The following PRPF39 variants were observed in gnomAD, a reference collection of about 807,000 sequenced individuals.
PRPF39 encodes the protein pre-mRNA-processing factor 39.
A neutral mutation model predicts 82.1 loss-of-function variants in PRPF39; 27 were observed. The observed-to-expected ratio is 0.33, with a 90% confidence interval of 0.24 to 0.45. The LOEUF is 0.45. PRPF39 is among the 20% of genes least tolerant of loss of function. PRPF39 has a pLI of 1.00. For synonymous variants in PRPF39, 261 were observed against 256.4 expected, an observed-to-expected ratio of 1.02 and a Z score of -0.17; for missense variants, 581 against 796.9, an observed-to-expected ratio of 0.73 and a Z score of 3.26.
Position 45,096,179 on chromosome 14 carries a change from A to G in PRPF39, c.401A>G (p.Lys134Arg). 1 of 1,591,810 alleles carries G rather than the reference A, an allele frequency of 6.3e-7. No individual in the cohort carries two copies. Among genetic ancestry groups the G allele is most frequent in the Non-Finnish European group, 8.6e-7 (1 of 1,168,168 alleles). ...CCGTATTGCTATGGTTACTGGAAAA[A>G]GTATGCAGACCTTGAAAAGCGGCAC... ...HYPYCYGYWK[K>R]YADLEKRHDN... Residue 134 changes from lysine (K) to arginine (R), a missense_variant, in exon 3 of 14, where the codon AAG becomes AGG. Transcript: ENST00000355765.
intron 2 of PRPF39, 189 bp downstream of exon 2, chr14:45,095,752 G>A (rs902530658): frequency 1.2e-5 from 9 of 752,304 alleles, no homozygotes; most frequent in Non-Finnish European, 1.6e-5. Flanking sequence ...TAGAGAGTCA[G>A]TAGTGTCAAA....
At chr14:45,096,752 C>G (rs1352635548) in intron 3 of PRPF39, 135 bp from the exon 4 acceptor site, 1 of 1,535,872 alleles carries the variant, frequency 6.5e-7, no homozygotes, top group African/African-American at 1.4e-5. Context: ...CAACCTCCAC[C>G]CAAATGGTAA....
chr14:45,099,940 A>G (rs1485708045), intron 4 of PRPF39, among the ~76,000 whole-genome samples: 1 of 152,016 alleles, frequency 6.6e-6, no homozygotes, highest in Non-Finnish European at 1.5e-5. Flanking sequence ...GAGATATGTG[A>G]TCTCTGGATT....
rs1477553308 is a variant in PRPF39, at chr14:45,110,976, A to T, written c.1572+159A>T. The T allele has an allele frequency of 2.3e-5, 17 of 729,176 alleles. No individual in the cohort carries two copies. The highest frequency in any genetic ancestry group is 2.0e-4 in the South Asian group (9 of 44,466). The allele number at this position is 729,176 out of a possible 1,614,324, so 45.2% of individuals were successfully genotyped here. Reference sequence around the variant, plus strand: ...TCTAAACTGATGTTGCCATTTAAAAATTTTTTTCAAATTGTTTTGAATTAA... The same window carrying T: ...TCTAAACTGATGTTGCCATTTAAAATTTTTTTTCAAATTGTTTTGAATTAA... On this transcript the variant is annotated intron_variant, in intron 10 of 13. Coordinates refer to ENST00000355765, the MANE Select transcript of PRPF39 (RefSeq NM_017922.4). The surrounding 1 kb of genome is among the most constrained non-coding windows in gnomAD (Gnocchi z 4.0).
At chr14:45,088,588 A>G (rs1021388253) in intron 1 of PRPF39, among the ~76,000 whole-genome samples, 9 of 152,218 alleles carry the variant, frequency 5.9e-5, no homozygotes, top group African/African-American at 2.2e-4. Context: ...GTTTCTTACT[A>G]TTCATGTACA....
chr14:45,092,167 C>T (rs1884049820), intron 1 of PRPF39, among the ~76,000 whole-genome samples: 1 of 152,138 alleles, frequency 6.6e-6, no homozygotes, highest in South Asian at 2.1e-4. Context: ...GTTTTGTGGT[C>T]ACTTACATGA....
At chr14:45,103,424 G>C (rs367974750) in intron 5 of PRPF39, among the ~76,000 whole-genome samples, 1 of 151,756 alleles carries the variant, frequency 6.6e-6, no homozygotes, top group South Asian at 2.1e-4. Context: ...TTTATGAGTA[G>C]TATTGTATAA....
At chr14:45,094,043 A>T (rs1308039373) in intron 1 of PRPF39, among the ~76,000 whole-genome samples, 1 of 151,872 alleles carries the variant, frequency 6.6e-6, no homozygotes, top group Non-Finnish European at 1.5e-5. Flanking sequence ...TTTTATGTTT[A>T]TTGGTCATTT....
At chr14:45,109,499 TATG>T (rs144382218) in intron 7 of PRPF39, 114 bp from the exon 8 acceptor site, 56,764 of 844,890 alleles carry the variant, frequency 0.067, 2,567 homozygotes, top group African/African-American at 0.18. Flanking sequence ...AATTATGAAA[TATG>T]ATTAAAAATT....
intron 4 of PRPF39, 22 bp from the exon 5 acceptor site, chr14:45,102,507 T>G (rs952381749): frequency 4.5e-6 from 7 of 1,555,434 alleles, no homozygotes; most frequent in Admixed American, 4.2e-5. Context: ...AAAGATAACT[T>G]AAGAGTAATT....
At position 45,115,389 on chromosome 14, in the gene PRPF39, G is replaced by T. The variant is rs944966991; in HGVS notation, c.*476G>T. The stretch of plus-strand genomic sequence containing the variant: ...ACTTGTGAATTGTGATCTAACTGCA[G>T]AAAGGATACATTATTAAAATACTTT... On this transcript the variant is annotated 3_prime_UTR_variant, in exon 14 of 14. Coordinates refer to ENST00000355765, the MANE Select transcript of PRPF39 (RefSeq NM_017922.4). The T allele has an allele frequency of 6.6e-6, 1 of 151,540 alleles. No homozygotes were observed. The highest frequency in any genetic ancestry group is 2.4e-5 in the African/African-American group (1 of 40,996). 9.4% of individuals were successfully genotyped at this position (151,540 alleles called of 1,614,324 possible).
intron 1 of PRPF39, among the ~76,000 whole-genome samples, chr14:45,087,696 C>T (rs746140379): frequency 1.1e-4 from 17 of 151,660 alleles, no homozygotes; most frequent in Non-Finnish European, 2.4e-4. Flanking sequence ...ACCTCAGCCT[C>T]CTGAGAAGCT....
chr14:45,085,016 T>G (rs1327781202), intron 1 of PRPF39, among the ~76,000 whole-genome samples: 1 of 152,196 alleles, frequency 6.6e-6, no homozygotes, highest in Non-Finnish European at 1.5e-5. Context: ...TTTGAGGACT[T>G]CAGATTATTT....
Position 45,114,194 on chromosome 14 carries a change from C to G in PRPF39, c.1769C>G (p.Ala590Gly), listed in dbSNP as rs1884773450. ...FGSDVNKLLN[A>G]YDEHQTLLKE... Reference sequence around the variant, plus strand: ...TTCTTTCCTTTCAGGCTTCTGAATGCTTATGATGAACATCAAACACTCCTG... The same window carrying G: ...TTCTTTCCTTTCAGGCTTCTGAATGGTTATGATGAACATCAAACACTCCTG... The change falls in exon 12 of 14, where the codon GCT becomes GGT. Residue 590 changes from alanine to glycine, a missense_variant. By Grantham distance (60) the Ala-to-Gly change is moderately conservative. Coordinates refer to ENST00000355765, the MANE Select transcript of PRPF39 (RefSeq NM_017922.4). 19 of 1,591,910 alleles carry G rather than the reference C, an allele frequency of 1.2e-5. No homozygotes were observed. The highest frequency in any genetic ancestry group is 1.6e-5 in the Non-Finnish European group (19 of 1,165,244).
chr14:45,112,577 G>T (rs1052685919), intron 11 of PRPF39, 75 bp downstream of exon 11: 2 of 1,308,716 alleles, frequency 1.5e-6, no homozygotes, highest in Non-Finnish European at 2.0e-6. Context: ...TTGATGATTA[G>T]TATAGATTAA....
intron 4 of PRPF39, among the ~76,000 whole-genome samples, chr14:45,099,646 G>A (rs748822892): frequency 6.6e-5 from 10 of 151,900 alleles, no homozygotes; most frequent in Non-Finnish European, 1.5e-4. Context: ...GGGTTTCACC[G>A]TGTTAGCCAG....
At chr14:45,114,373 T>C (rs1301098036) in intron 12 of PRPF39, 116 bp downstream of exon 12, 2 of 1,341,494 alleles carry the variant, frequency 1.5e-6, no homozygotes, top group East Asian at 2.4e-5. Flanking sequence ...TTTTCATGAT[T>C]TGAAAAAGTC....
Position 45,108,779 on chromosome 14 carries a change from A to G in PRPF39, c.1011+257A>G, listed in dbSNP as rs115333618. 3.2e-3 allele frequency among the ~76,000 whole-genome samples: 491 copies of G among 152,314 alleles called. 1 individual carries two copies. Among genetic ancestry groups the G allele is most frequent in the African/African-American group, 0.011 (475 of 41,570 alleles). Reference sequence around the variant, plus strand: ...TGAACAATTTTATTCTAATTGTTCAATTTTTAAAAGTCAACTTCTTGGGGT... The same window carrying G: ...TGAACAATTTTATTCTAATTGTTCAGTTTTTAAAAGTCAACTTCTTGGGGT... On this transcript the variant is annotated intron_variant, in intron 7 of 13. Transcript: ENST00000355765.
rs918863167 is a variant in PRPF39, at chr14:45,096,616, A to T, written c.451-271A>T. ...GTCAGACGCTGTCATTGATGCTCTAATGGGTCTGTGCCCTATGGTCTGTAA... is the reference window on the plus strand; with the variant it reads ...GTCAGACGCTGTCATTGATGCTCTATTGGGTCTGTGCCCTATGGTCTGTAA... On this transcript the variant is annotated intron_variant, in intron 3 of 13. Transcript: ENST00000355765. The T allele has an allele frequency of 2.7e-6, 4 of 1,471,834 alleles. No individual in the cohort carries two copies. The African/African-American group carries it at 5.6e-5, about 21-fold the overall frequency. The allele number at this position is 1,471,834 out of a possible 1,614,324, so 91.2% of individuals were successfully genotyped here. A position where few individuals can be genotyped will look rare whatever the true frequency, so the allele number is the denominator to read the frequency against.
Sources: gnomAD v4.1 joint callset for allele counts (sites outside exome capture counted in the v4.1 genomes callset) on GRCh38, gnomAD v4.1.1 for gene constraint, Gnocchi (gnomAD v3.1) non-coding constraint, MANE v1.5 for transcripts, NCBI Gene and HGNC (gene_info 2026-07-23, HGNC 2026-07-21) for gene names.